MAST4: variants seen among roughly 807,000 people sequenced by gnomAD.
The protein encoded by MAST4 is microtubule associated serine/threonine kinase family member 4.
A neutral mutation model predicts 162.7 loss-of-function variants in MAST4; 89 were observed. The ratio of observed to expected loss-of-function variants is 0.55; its 90% CI spans 0.46 to 0.65. The LOEUF (loss-of-function observed/expected upper bound fraction) is 0.65, where lower values mean the gene tolerates loss of function less well. Ranked by LOEUF, MAST4 falls within the 30% of genes least tolerant of loss-of-function variation. The pLI is 0.00. For missense variants in MAST4, 3,153 were observed against 3,374.0 expected, an observed-to-expected ratio of 0.93 and a Z score of 1.62; for synonymous variants, 1,479 against 1,361.1, an observed-to-expected ratio of 1.09 and a Z score of -1.91.
At chr5:67,132,755 C>G (rs1420978458) in intron 16 of MAST4, among the ~76,000 whole-genome samples, 1 of 151,722 alleles carries the variant, frequency 6.6e-6, no homozygotes, top group Non-Finnish European at 1.5e-5. Flanking sequence ...TTTAAGTATG[C>G]TGAAAAGTTT....
intron 1 of MAST4, among the ~76,000 whole-genome samples, chr5:66,757,761 G>A (rs539367656): frequency 6.6e-5 from 10 of 152,254 alleles, no homozygotes; most frequent in Middle Eastern, 6.8e-3. Flanking sequence ...GGTGTTTACC[G>A]TTCCTGTAAC....
At chr5:66,935,417 C>T (rs1742629686) in intron 4 of MAST4, among the ~76,000 whole-genome samples, 2 of 152,104 alleles carry the variant, frequency 1.3e-5, no homozygotes, top group South Asian at 4.1e-4. Flanking sequence ...CTTGCAACCT[C>T]ATTACTACCC....
intron 5 of MAST4, among the ~76,000 whole-genome samples, chr5:67,086,254 A>C (rs1283141863): frequency 6.6e-6 from 1 of 152,244 alleles, no homozygotes; most frequent in African/African-American, 2.4e-5. Context: ...ACAAACAGAC[A>C]GCTATTAAAA....
intron 13 of MAST4, among the ~76,000 whole-genome samples, chr5:67,120,065 G>A (rs950922248): frequency 3.3e-5 from 5 of 152,244 alleles, no homozygotes; most frequent in African/African-American, 1.2e-4. Flanking sequence ...GGCAGGTGAT[G>A]ACTAAATAGA....
At chr5:66,819,688 G>T (rs1014357835) in intron 3 of MAST4, among the ~76,000 whole-genome samples, 2 of 151,234 alleles carry the variant, frequency 1.3e-5, no homozygotes, top group African/African-American at 2.4e-5. Flanking sequence ...TTTCCATTTT[G>T]TGTTTACATT....
chr5:66,868,411 G>GTATATGTGTATATATATGTATATACA (rs1760684122), intron 3 of MAST4, among the ~76,000 whole-genome samples: 2 of 150,114 alleles, frequency 1.3e-5, no homozygotes, highest in Admixed American at 6.7e-5. Context: ...ATATATGTGT[G>GTATATGTGTATATATATGTATATACA]TATATGTGTA....
chr5:67,163,593 C>G lies in MAST4; in HGVS notation c.4414C>G (p.Gln1472Glu), dbSNP rs752024063. ...CSRKHSLEVT[Q>E]EEVQREQSQR... is the part of the protein sequence containing the mutation. The stretch of plus-strand genomic sequence containing the variant: ...CCGCAAGCACAGCCTGGAGGTGACC[C>G]AAGAGGAGGTGCAGCGGGAGCAGTC... Residue 1472 changes from glutamine to glutamate, a missense_variant, in exon 29 of 29, where the codon CAA becomes GAA. Gln to Glu is a conservative substitution (Grantham distance 29, BLOSUM62 2). Transcript: ENST00000403625. The surrounding 1 kb of genome is among the most constrained non-coding windows in gnomAD (Gnocchi z 7.0). 5.6e-6 allele frequency: 9 copies of G among 1,598,062 alleles called. No homozygotes were observed. The highest frequency in any genetic ancestry group is 8.5e-7 in the Non-Finnish European group (1 of 1,173,038).
Position 66,918,901 on chromosome 5 carries a change from T to C in MAST4, c.674+18919T>C, listed in dbSNP as rs143416591. ...TGTTTTAAAAATTGAGATTTTGTTCTTGACCAGCTTGGCCAACATGGCGAA... is the reference window on the plus strand; with the variant it reads ...TGTTTTAAAAATTGAGATTTTGTTCCTGACCAGCTTGGCCAACATGGCGAA... On this transcript the variant is annotated intron_variant, in intron 4 of 28. Coordinates refer to ENST00000403625, the MANE Select transcript of MAST4 (RefSeq NM_001164664.2). Among the ~76,000 whole-genome samples, 532 of 152,350 alleles carry C rather than the reference T, an allele frequency of 3.5e-3. 6 individuals are homozygous for C. Among genetic ancestry groups the C allele is most frequent in the African/African-American group, 0.012 (513 of 41,588 alleles).
At chr5:66,697,340 A>G (rs1414388798) in intron 1 of MAST4, among the ~76,000 whole-genome samples, 3 of 152,240 alleles carry the variant, frequency 2.0e-5, no homozygotes, top group African/African-American at 7.2e-5. Flanking sequence ...TTATGCATGG[A>G]TAAAAGATCC....
chr5:66,883,200 G>A (rs1761805030), intron 3 of MAST4, among the ~76,000 whole-genome samples: 1 of 152,140 alleles, frequency 6.6e-6, no homozygotes, highest in South Asian at 2.1e-4. Context: ...GGGGTAAGAA[G>A]GAATCAGCCA....
intron 1 of MAST4, among the ~76,000 whole-genome samples, chr5:66,608,827 G>A (rs1016247345): frequency 6.6e-6 from 1 of 151,902 alleles, no homozygotes; most frequent in Non-Finnish European, 1.5e-5. Flanking sequence ...GGGGGAGAAC[G>A]CGAGTCTTCT....
chr5:66,679,884 C>G (rs1202434565), intron 1 of MAST4, among the ~76,000 whole-genome samples: 1 of 151,996 alleles, frequency 6.6e-6, no homozygotes, highest in African/African-American at 2.4e-5. Flanking sequence ...TCCTTCAAAG[C>G]CCATATTCTG....
chr5:67,127,944 G>C (rs1409875818), intron 14 of MAST4, among the ~76,000 whole-genome samples: 1 of 152,162 alleles, frequency 6.6e-6, no homozygotes, highest in Non-Finnish European at 1.5e-5. Context: ...AAGAAAGCCA[G>C]TGTAAACCAG....
chr5:66,601,975 A>C (rs1742582899), intron 1 of MAST4, among the ~76,000 whole-genome samples: 1 of 152,210 alleles, frequency 6.6e-6, no homozygotes. Context: ...CTAGTAGCTT[A>C]GGTACTCCAG....
intron 1 of MAST4, among the ~76,000 whole-genome samples, chr5:66,722,278 C>G (rs1751259082): frequency 1.3e-5 from 2 of 152,100 alleles, no homozygotes; most frequent in Admixed American, 1.3e-4. Flanking sequence ...TTTAGATGTG[C>G]CATGCTCTTG....
intron 3 of MAST4, among the ~76,000 whole-genome samples, chr5:66,863,335 T>C (rs928262063): frequency 3.3e-5 from 5 of 152,042 alleles, no homozygotes; most frequent in Non-Finnish European, 5.9e-5. Context: ...AACAGAAAAA[T>C]TTTGAAGGTG....
In MAST4 at chr5:67,152,791, C is replaced by A. The variant is rs1554028353; in HGVS notation, c.3450C>A (p.Asn1150Lys). 1.9e-6 allele frequency: 3 copies of A among 1,614,056 alleles called. No individual in the cohort carries two copies. In the South Asian group the frequency reaches 3.3e-5, roughly 18 times the overall value. ...QPIVIHSSGK[N>K]YGFTIRAIRV... ...TTGTGATCCACAGTTCGGGGAAGAACTACGGCTTTACCATCCGAGCCATCC... is the reference window on the plus strand; with the variant it reads ...TTGTGATCCACAGTTCGGGGAAGAAATACGGCTTTACCATCCGAGCCATCC... Residue 1150 changes from asparagine to lysine, a missense_variant, in exon 25 of 29, where the codon AAC (asparagine) becomes AAA (lysine). By Grantham distance (94) the Asn-to-Lys change is moderately conservative. This residue lies in a region of MAST4 where 619 missense variants were observed against 744.2 expected (regional missense o/e 0.83). Coordinates refer to ENST00000403625, the MANE Select transcript of MAST4 (RefSeq NM_001164664.2).
intron 3 of MAST4, among the ~76,000 whole-genome samples, chr5:66,883,745 T>C (rs965362225): frequency 6.6e-6 from 1 of 152,108 alleles, no homozygotes; most frequent in Admixed American, 6.6e-5. Flanking sequence ...CACATGGACA[T>C]GGTAACACTC....
Position 67,168,809 on chromosome 5 carries a change from A to G in MAST4, c.*1758A>G, listed in dbSNP as rs1774321405. 6.6e-6 allele frequency: 1 copy of G among 152,212 alleles called. No individual in the cohort carries two copies. Among genetic ancestry groups the G allele is most frequent in the Middle Eastern group, 3.2e-3 (1 of 316 alleles). The allele number at this position is 152,212 out of a possible 1,614,324, so 9.4% of individuals were successfully genotyped here. ...ATTGTAAATCTTCTAGTGAGGCTATAAACTCCACTCTGAAAACAAAGGCAT... is the reference window on the plus strand; with the variant it reads ...ATTGTAAATCTTCTAGTGAGGCTATGAACTCCACTCTGAAAACAAAGGCAT... On this transcript the variant is annotated 3_prime_UTR_variant, in exon 29 of 29. Transcript: ENST00000403625.
Sources: gnomAD v4.1 joint callset for allele counts (sites outside exome capture counted in the v4.1 genomes callset) on GRCh38, gnomAD v4.1.1 for gene constraint, gnomAD v4.1.1 regional missense constraint, Gnocchi (gnomAD v3.1) non-coding constraint, MANE v1.5 for transcripts, NCBI Gene and HGNC (gene_info 2026-07-23, HGNC 2026-07-21) for gene names.